Variants in SLC16A14 observed in about 807,000 individuals in gnomAD.
SLC16A14 encodes the protein solute carrier family 16 member 14.
SLC16A14 carries 14 observed loss-of-function variants against 35.8 expected under a neutral mutation model. The observed-to-expected ratio is 0.39, with a 90% CI of 0.26 to 0.61. The LOEUF (loss-of-function observed/expected upper bound fraction) is 0.61. SLC16A14 is among the 20% of genes least tolerant of loss of function. The pLI, the probability that SLC16A14 is intolerant of heterozygous loss-of-function variation, is 0.51. For synonymous variants in SLC16A14, 248 were observed against 258.9 expected (o/e 0.96, Z 0.40); for missense variants, 533 against 655.0 (o/e 0.81, Z 2.03).
chr2:230,047,865 A>T (rs375796754), intron 3 of SLC16A14, among the ~76,000 whole-genome samples: 1 of 152,262 alleles, frequency 6.6e-6, no homozygotes, highest in African/African-American at 2.4e-5. Context: ...TACGACTAAA[A>T]TAGAAATATC....
intron 4 of SLC16A14, among the ~76,000 whole-genome samples, chr2:230,044,393 G>A (rs567976774): frequency 2.2e-4 from 34 of 151,214 alleles, no homozygotes; most frequent in Middle Eastern, 6.8e-3. Flanking sequence ...CAGGATAATT[G>A]CTTGAACTTG....
intron 3 of SLC16A14, among the ~76,000 whole-genome samples, chr2:230,048,914 A>G: frequency 1.4e-5 from 1 of 69,912 alleles, no homozygotes; most frequent in Admixed American, 2.3e-4. Flanking sequence ...CAAGAGTGAA[A>G]CTCCATCTCA....
At chr2:230,061,737 C>A (rs1038019601) in intron 1 of SLC16A14, among the ~76,000 whole-genome samples, 1 of 147,848 alleles carries the variant, frequency 6.8e-6, no homozygotes, top group Non-Finnish European at 1.5e-5. Context: ...TCAATTTGAA[C>A]AATATCTTTT....
At chr2:230,041,233 G>C (rs962939037) in intron 4 of SLC16A14, among the ~76,000 whole-genome samples, 1 of 152,230 alleles carries the variant, frequency 6.6e-6, no homozygotes, top group African/African-American at 2.4e-5. Flanking sequence ...GAATGGAAGA[G>C]ATGTGTGTGG....
Position 230,036,930 on chromosome 2 carries a change from TA to T in SLC16A14, c.*449del, listed in dbSNP as rs922871366. 1 of 152,362 alleles carries T rather than the reference TA, an allele frequency of 6.6e-6. No individual in the cohort carries two copies. The highest frequency in any genetic ancestry group is 2.4e-5 in the African/African-American group (1 of 41,474). The allele number at this position is 152,362 out of a possible 1,614,324, so 9.4% of individuals were successfully genotyped here. ...CCTGTAATAATTAATTTCTGAAATC[TA>T]GTCATATTCTTGTGCTTGAAACCCA... is the stretch of plus-strand genomic sequence containing the variant. On this transcript the variant is annotated 3_prime_UTR_variant, in exon 5 of 5. Coordinates refer to ENST00000295190, the MANE Select transcript of SLC16A14 (RefSeq NM_152527.5).
chr2:230,056,312 T>C (rs2077704087), intron 2 of SLC16A14, among the ~76,000 whole-genome samples: 1 of 146,274 alleles, frequency 6.8e-6, no homozygotes. Context: ...TGGAGTGCAG[T>C]GGCGCCATCT....
At chr2:230,065,041 A>G (rs2077782421) in intron 1 of SLC16A14, among the ~76,000 whole-genome samples, 1 of 152,244 alleles carries the variant, frequency 6.6e-6, no homozygotes, top group African/African-American at 2.4e-5. Flanking sequence ...GGAAAAAGTT[A>G]TAGTTTTTCA....
In SLC16A14 at chr2:230,067,571, T is replaced by TCTCTCTCTCTCTCA. The variant is rs1269765776; in HGVS notation, c.-15+983_-15+984insTGAGAGAGAGAGAG. Among the ~76,000 whole-genome samples the TCTCTCTCTCTCTCA allele has an allele frequency of 2.4e-3, 347 of 143,688 alleles. 1 individual carries two copies. Among genetic ancestry groups the TCTCTCTCTCTCTCA allele is most frequent in the African/African-American group, 9.2e-3 (331 of 35,952 alleles). 94.3% of individuals were successfully genotyped at this position (143,688 alleles called of 152,430 possible). ...CTCTCTCTCTCTCTCTCTCTCTCTC[T>TCTCTCTCTCTCTCA]CACACACACACACACAGCCGCACAC... is the stretch of plus-strand genomic sequence containing the variant. On this transcript the variant is annotated intron_variant, in intron 1 of 4. Transcript: ENST00000295190.
At position 230,049,756 on chromosome 2, in the gene SLC16A14, C is replaced by T. The variant is rs2106259781; in HGVS notation, c.403+5G>A. 15 of 1,611,878 alleles carry T rather than the reference C, an allele frequency of 9.3e-6. No individual in the cohort carries two copies. Among genetic ancestry groups the T allele is most frequent in the Non-Finnish European group, 1.1e-5 (13 of 1,178,370 alleles). On this transcript the variant is annotated splice_donor_5th_base_variant and intron_variant, in intron 3 of 4. Coordinates refer to ENST00000295190, the MANE Select transcript of SLC16A14 (RefSeq NM_152527.5). Reference sequence around the variant, plus strand: ...AATCGAGTTTAAAAAAAGCCACATGCTTACCAGCTGCGACTCCAAAAGTAA... The same window carrying T: ...AATCGAGTTTAAAAAAAGCCACATGTTTACCAGCTGCGACTCCAAAAGTAA...
intron 3 of SLC16A14, among the ~76,000 whole-genome samples, chr2:230,047,034 G>A (rs1250865876): frequency 2.6e-5 from 4 of 152,184 alleles, no homozygotes; most frequent in African/African-American, 9.6e-5. Flanking sequence ...GCAGGACCAT[G>A]TATTTTCACC....
intron 4 of SLC16A14, among the ~76,000 whole-genome samples, chr2:230,044,419 G>A (rs529232942): frequency 9.4e-5 from 14 of 148,438 alleles, no homozygotes; most frequent in East Asian, 6.1e-4. Context: ...CGGAGGTTGC[G>A]TTAAGCTGAG....
At chr2:230,067,687 C>A (rs910485771) in intron 1 of SLC16A14, among the ~76,000 whole-genome samples, 4 of 152,132 alleles carry the variant, frequency 2.6e-5, no homozygotes, top group Non-Finnish European at 5.9e-5. Flanking sequence ...GTTAATGAGC[C>A]CGAATCAACT....
intron 1 of SLC16A14, among the ~76,000 whole-genome samples, chr2:230,064,433 G>C (rs2077776618): frequency 6.6e-6 from 1 of 152,202 alleles, no homozygotes; most frequent in African/African-American, 2.4e-5. Flanking sequence ...GCGCAGTGCA[G>C]AGCTGCATTG....
intron 2 of SLC16A14, among the ~76,000 whole-genome samples, chr2:230,050,202 T>A (rs908398795): frequency 2.6e-5 from 4 of 152,234 alleles, no homozygotes; most frequent in African/African-American, 9.6e-5. Context: ...TGTGGATACA[T>A]TTTGTCGATC....
At chr2:230,066,653 T>TTC in intron 1 of SLC16A14, 1 of 439,244 alleles carries the variant, frequency 2.3e-6, no homozygotes, top group Non-Finnish European at 4.5e-6. Context: ...TTTTTTTTTT[T>TTC]TGACAGAGTA....
At chr2:230,052,596 A>G (rs1256501400) in intron 2 of SLC16A14, among the ~76,000 whole-genome samples, 1 of 147,428 alleles carries the variant, frequency 6.8e-6, no homozygotes, top group Non-Finnish European at 1.5e-5. Flanking sequence ...TGCTTTATGA[A>G]ACATTACATT....
chr2:230,040,597 C>T (rs2077553739), intron 4 of SLC16A14, among the ~76,000 whole-genome samples: 1 of 152,102 alleles, frequency 6.6e-6, no homozygotes, highest in Admixed American at 6.6e-5. Context: ...GTAAAAGCAT[C>T]TCCACATGCC....
intron 1 of SLC16A14, among the ~76,000 whole-genome samples, chr2:230,064,732 C>T (rs11897719): frequency 0.068 from 10,419 of 152,226 alleles, 441 homozygotes; most frequent in Middle Eastern, 0.099. Context: ...TTTTTTAGGC[C>T]GGGCGTGGTG....
chr2:230,058,278 A>G (rs1200838589), intron 2 of SLC16A14: 2 of 152,096 alleles, frequency 1.3e-5, no homozygotes, highest in African/African-American at 2.4e-5. Flanking sequence ...AACTTTAGTG[A>G]CACTAATATT....
Sources: allele counts gnomAD v4.1 joint callset (sites outside exome capture counted in the v4.1 genomes callset), GRCh38; gene constraint gnomAD v4.1.1; transcripts MANE v1.5; gene names NCBI Gene and HGNC (gene_info 2026-07-23, HGNC 2026-07-21).